NIPBL: variants seen among roughly 807,000 people sequenced by gnomAD.
NIPBL encodes the protein NIPBL cohesin loading factor, also known as nipped-B-like protein.
Under a neutral mutation model 321.8 loss-of-function variants are expected in NIPBL, and 19 were observed. That is an observed-to-expected ratio of 0.06 (90% confidence interval 0.04 to 0.09). The LOEUF is 0.09. NIPBL is among the 10% of genes least tolerant of loss of function. The pLI is 1.00. For synonymous variants in NIPBL, 1,106 were observed against 1,114.1 expected, an observed-to-expected ratio of 0.99 and a Z score of 0.14; for missense variants, 2,210 against 3,327.0, an observed-to-expected ratio of 0.66 and a Z score of 8.26.
chr5:36,951,774 C>A (rs1392585740), intron 1 of NIPBL, among the ~76,000 whole-genome samples: 1 of 151,980 alleles, frequency 6.6e-6, no homozygotes, highest in African/African-American at 2.4e-5. Flanking sequence ...ATATTATTTC[C>A]TGTGCCTTTT....
chr5:37,039,471 A>G (rs1013748518), intron 34 of NIPBL, among the ~76,000 whole-genome samples: 4 of 152,042 alleles, frequency 2.6e-5, no homozygotes, highest in Admixed American at 1.3e-4. Context: ...AAGATTTTAA[A>G]GTATATATGA....
chr5:37,037,612 T>G (rs1751853601), intron 33 of NIPBL, among the ~76,000 whole-genome samples: 1 of 150,382 alleles, frequency 6.6e-6, no homozygotes, highest in Non-Finnish European at 1.5e-5. Context: ...TGATATGCTT[T>G]ATATTTTTTA....
At chr5:36,900,047 A>G (rs1192198567) in intron 1 of NIPBL, among the ~76,000 whole-genome samples, 3 of 152,170 alleles carry the variant, frequency 2.0e-5, no homozygotes, top group Non-Finnish European at 2.9e-5. Context: ...ATTAATAGCA[A>G]TGATGGCCAG....
Position 37,066,092 on chromosome 5 carries a change from T to C in NIPBL, c.*1200T>C, listed in dbSNP as rs1755324152. ...TAATCTATGCTAAAAGCTTTTATCATAAGTCTTGGGAACAGTTGTCATTTA... is the reference window on the plus strand; with the variant it reads ...TAATCTATGCTAAAAGCTTTTATCACAAGTCTTGGGAACAGTTGTCATTTA... On this transcript the variant is annotated 3_prime_UTR_variant, in exon 47 of 47. Coordinates refer to ENST00000282516, the MANE Select transcript of NIPBL (RefSeq NM_133433.4). 2 of 152,182 alleles carry C rather than the reference T, an allele frequency of 1.3e-5. No individual in the cohort carries two copies. Among genetic ancestry groups the C allele is most frequent in the Admixed American group, 1.3e-4 (2 of 15,284 alleles). 9.4% of individuals were successfully genotyped at this position (152,182 alleles called of 1,614,324 possible). A position where few individuals can be genotyped will look rare whatever the true frequency, so the allele number is the denominator to read the frequency against.
At chr5:37,046,722 T>G (rs1753019424) in intron 38 of NIPBL, among the ~76,000 whole-genome samples, 1 of 152,200 alleles carries the variant, frequency 6.6e-6, no homozygotes, top group South Asian at 2.1e-4. Context: ...CAGGAAGGAT[T>G]GATGTAATAA....
At chr5:37,064,323 T>C in intron 46 of NIPBL, 1 of 1,429,840 alleles carries the variant, frequency 7.0e-7, no homozygotes. Context: ...AAGACACGGG[T>C]ACAAATTAAG....
At chr5:37,006,246 AAC>A in intron 16 of NIPBL, 109 bp from the exon 17 acceptor site, 1 of 704,592 alleles carries the variant, frequency 1.4e-6, no homozygotes, top group Non-Finnish European at 2.5e-6. Context: ...TAAAAGAATT[AAC>A]ACACATCATA....
chr5:36,929,652 T>A (rs1031601622), intron 1 of NIPBL, among the ~76,000 whole-genome samples: 5 of 152,146 alleles, frequency 3.3e-5, no homozygotes, highest in African/African-American at 1.2e-4. Flanking sequence ...GAACTCTGCC[T>A]GACCTAAGGT....
At chr5:36,978,315 T>G (rs1158646496) in intron 9 of NIPBL, among the ~76,000 whole-genome samples, 2 of 152,110 alleles carry the variant, frequency 1.3e-5, no homozygotes, top group Non-Finnish European at 2.9e-5. Flanking sequence ...TTGTATCTCA[T>G]TGTGGTTTAA....
chr5:36,889,370 A>G (rs928964638), intron 1 of NIPBL, among the ~76,000 whole-genome samples: 1 of 152,156 alleles, frequency 6.6e-6, no homozygotes, highest in Non-Finnish European at 1.5e-5. Context: ...CTAAAGAACT[A>G]ATTGTAGGCT....
chr5:36,956,004 G>A (rs1435249226), intron 3 of NIPBL, among the ~76,000 whole-genome samples: 2 of 150,396 alleles, frequency 1.3e-5, no homozygotes, highest in Admixed American at 6.6e-5. Context: ...GGTGGATCAC[G>A]AGATCAAGAG....
chr5:37,001,590 A>G (rs1352503054), intron 14 of NIPBL, among the ~76,000 whole-genome samples: 2 of 152,150 alleles, frequency 1.3e-5, no homozygotes, highest in African/African-American at 2.4e-5. Flanking sequence ...CATTTATTCT[A>G]ATGACCAATA....
At chr5:37,018,139 A>T (rs989124667) in intron 24 of NIPBL, among the ~76,000 whole-genome samples, 2 of 152,192 alleles carry the variant, frequency 1.3e-5, no homozygotes, top group African/African-American at 4.8e-5. Flanking sequence ...CCCTGGACCT[A>T]CTGAATCAAA....
chr5:36,991,933 T>G (rs1023982422), intron 10 of NIPBL, among the ~76,000 whole-genome samples: 1 of 152,156 alleles, frequency 6.6e-6, no homozygotes, highest in African/African-American at 2.4e-5. Context: ...CAGAACACAT[T>G]GTTAGTTATC....
At position 36,979,826 on chromosome 5, in the gene NIPBL, T is replaced by TCTTA. The variant is rs1347617405; in HGVS notation, c.1495+3425_1495+3428dup. Among the ~76,000 whole-genome samples the TCTTA allele has an allele frequency of 3.3e-5, 5 of 151,746 alleles. No individual in the cohort carries two copies. The East Asian group carries it at 9.6e-4, about 29-fold the overall frequency. On this transcript the variant is annotated intron_variant, in intron 9 of 46. Coordinates refer to ENST00000282516, the MANE Select transcript of NIPBL (RefSeq NM_133433.4). ...TATTAACCTGTTCAAAATTCCTGAATCTTAGGATAGCCAGTTTTGCAGGAA... is the reference window on the plus strand; with the variant it reads ...TATTAACCTGTTCAAAATTCCTGAATCTTACTTAGGATAGCCAGTTTTGCAGGAA...
chr5:37,037,676 C>T (rs1336713530), intron 33 of NIPBL, among the ~76,000 whole-genome samples: 1 of 142,964 alleles, frequency 7.0e-6, no homozygotes, highest in Non-Finnish European at 1.5e-5. Context: ...TTTTTATCTC[C>T]TTGTTCCGTT....
Position 36,953,471 on chromosome 5 carries a change from A to G in NIPBL, c.-79-147A>G, listed in dbSNP as rs141054916. 428 of 579,804 alleles carry G rather than the reference A, an allele frequency of 7.4e-4. 3 individuals are homozygous for G. In the African/African-American group the frequency reaches 7.6e-3, roughly 10 times the overall value. The allele number at this position is 579,804 out of a possible 1,614,324, so 35.9% of individuals were successfully genotyped here. A position where few individuals can be genotyped will look rare whatever the true frequency, so the allele number is the denominator to read the frequency against. On this transcript the variant is annotated intron_variant, in intron 1 of 46. Transcript: ENST00000282516. ...GTGCAAAGCACTTTGCAATTGCTTA[A>G]CATGTAATAAGTGGTATGTGAAAAT...
At chr5:36,947,040 A>G (rs999893216) in intron 1 of NIPBL, among the ~76,000 whole-genome samples, 1 of 152,116 alleles carries the variant, frequency 6.6e-6, no homozygotes, top group Non-Finnish European at 1.5e-5. Flanking sequence ...TAATTTTTGC[A>G]TCTGTGAAAT....
intron 6 of NIPBL, among the ~76,000 whole-genome samples, chr5:36,968,547 C>G (rs1460306402): frequency 1.3e-5 from 2 of 151,340 alleles, no homozygotes; most frequent in African/African-American, 4.9e-5. Context: ...AGCAAGACTC[C>G]GTCTCAAAAA....
Sources: gnomAD v4.1 joint callset for allele counts (sites outside exome capture counted in the v4.1 genomes callset) on GRCh38, gnomAD v4.1.1 for gene constraint, MANE v1.5 for transcripts, NCBI Gene and HGNC (gene_info 2026-07-23, HGNC 2026-07-21) for gene names.